FCHSD2: variants seen among roughly 807,000 people sequenced by gnomAD.
The protein encoded by FCHSD2 is F-BAR and double SH3 domains protein 2.
Under a neutral mutation model 108.1 loss-of-function variants are expected in FCHSD2, and 38 were observed. The observed-to-expected ratio is 0.35, with a 90% CI of 0.27 to 0.46. The LOEUF is 0.46. FCHSD2 is among the 20% of genes least tolerant of loss of function. The pLI, the probability that FCHSD2 is intolerant of heterozygous loss-of-function variation, is 1.00. For synonymous variants in FCHSD2, 279 were observed against 314.7 expected (o/e 0.89, Z 1.20); for missense variants, 751 against 897.8 (o/e 0.84, Z 2.09).
chr11:72,841,364 A>AG (rs1860931480), intron 18 of FCHSD2, 90 bp downstream of exon 18: 1 of 999,682 alleles, frequency 1.0e-6, no homozygotes, highest in African/African-American at 1.8e-5. Flanking sequence ...AAAAAAAAAA[A>AG]GCAAATGCAG....
intron 3 of FCHSD2, among the ~76,000 whole-genome samples, chr11:73,040,423 T>C (rs1858606918): frequency 6.6e-6 from 1 of 152,184 alleles, no homozygotes; most frequent in South Asian, 2.1e-4. Flanking sequence ...CAGATACACA[T>C]TTGTATGTGT....
chr11:73,022,303 A>G (rs758746939), intron 3 of FCHSD2, among the ~76,000 whole-genome samples: 10 of 152,186 alleles, frequency 6.6e-5, no homozygotes, highest in Non-Finnish European at 1.5e-4. Context: ...GCATACAGAT[A>G]GGAAAGGAAG....
intron 12 of FCHSD2, among the ~76,000 whole-genome samples, chr11:72,881,146 C>T (rs142568897): frequency 2.0e-5 from 3 of 152,092 alleles, no homozygotes; most frequent in Admixed American, 6.5e-5. Flanking sequence ...GACTAATATA[C>T]GGAATATACA....
At chr11:73,114,666 G>A (rs1014293252) in intron 2 of FCHSD2, among the ~76,000 whole-genome samples, 2 of 152,044 alleles carry the variant, frequency 1.3e-5, no homozygotes, top group African/African-American at 4.8e-5. Flanking sequence ...CACCAGGACT[G>A]GATCCTTCTC....
intron 13 of FCHSD2, among the ~76,000 whole-genome samples, chr11:72,862,080 T>G (rs924364948): frequency 6.6e-6 from 1 of 152,196 alleles, no homozygotes; most frequent in Non-Finnish European, 1.5e-5. Flanking sequence ...CAACATCCAT[T>G]TCTATTAGCA....
At chr11:73,094,467 T>C (rs1860030597) in intron 2 of FCHSD2, among the ~76,000 whole-genome samples, 1 of 152,194 alleles carries the variant, frequency 6.6e-6, no homozygotes, top group Admixed American at 6.5e-5. Flanking sequence ...TACAAAAATA[T>C]TTATACCATC....
At chr11:72,983,336 T>C (rs1293218172) in intron 8 of FCHSD2, among the ~76,000 whole-genome samples, 1 of 149,870 alleles carries the variant, frequency 6.7e-6, no homozygotes, top group Non-Finnish European at 1.5e-5. Flanking sequence ...CCAGGCATGG[T>C]AGCATGCACC....
At position 72,889,543 on chromosome 11, in the gene FCHSD2, C is replaced by T. The variant is rs546442634; in HGVS notation, c.1041+286G>A. 3.3e-5 allele frequency among the ~76,000 whole-genome samples: 5 copies of T among 152,128 alleles called. No homozygotes were observed. The South Asian group carries it at 1.0e-3, about 32-fold the overall frequency. On this transcript the variant is annotated intron_variant, in intron 11 of 19. Transcript: ENST00000409418. ...TGGGAAACATGGCAAGACCCTATCTCTACAAAAAATCTAAAAAAATTTAGC... is the reference window on the plus strand; with the variant it reads ...TGGGAAACATGGCAAGACCCTATCTTTACAAAAAATCTAAAAAAATTTAGC...
chr11:72,893,726 C>T (rs1360815951), intron 10 of FCHSD2, among the ~76,000 whole-genome samples: 4 of 150,500 alleles, frequency 2.7e-5, no homozygotes, highest in African/African-American at 9.8e-5. Flanking sequence ...CCAGCCTAGG[C>T]TACAGAGGGA....
intron 5 of FCHSD2, among the ~76,000 whole-genome samples, chr11:72,998,364 AC>A (rs1223930019): frequency 6.6e-6 from 1 of 151,992 alleles, no homozygotes; most frequent in Non-Finnish European, 1.5e-5. Context: ...ACATGGTGAA[AC>A]CCTGTCTCTA....
intron 8 of FCHSD2, among the ~76,000 whole-genome samples, chr11:72,960,368 C>T (rs1856799894): frequency 6.6e-6 from 1 of 152,170 alleles, no homozygotes; most frequent in Non-Finnish European, 1.5e-5. Flanking sequence ...TTGGAAGAAA[C>T]AAATATCCAA....
intron 3 of FCHSD2, among the ~76,000 whole-genome samples, chr11:73,082,709 A>G (rs925580343): frequency 1.3e-5 from 2 of 152,100 alleles, no homozygotes; most frequent in East Asian, 1.9e-4. Context: ...CCTTCTAACA[A>G]TCTCCCATAT....
chr11:72,950,245 C>A (rs1369363069), intron 8 of FCHSD2, among the ~76,000 whole-genome samples: 1 of 151,936 alleles, frequency 6.6e-6, no homozygotes, highest in African/African-American at 2.4e-5. Context: ...ATATTAAATC[C>A]TTTTCAGATA....
chr11:73,106,281 C>T (rs901962193), intron 2 of FCHSD2, among the ~76,000 whole-genome samples: 3 of 151,834 alleles, frequency 2.0e-5, no homozygotes, highest in African/African-American at 7.3e-5. Context: ...GTGACATAAA[C>T]CTATATCCCC....
intron 17 of FCHSD2, among the ~76,000 whole-genome samples, chr11:72,842,014 C>A (rs529343015): frequency 1.3e-5 from 2 of 152,314 alleles, no homozygotes; most frequent in African/African-American, 2.4e-5. Context: ...ACAATCACCA[C>A]GCAAACAAGA....
At chr11:73,081,975 G>T (rs1591538828) in intron 3 of FCHSD2, among the ~76,000 whole-genome samples, 1 of 152,120 alleles carries the variant, frequency 6.6e-6, no homozygotes, top group East Asian at 1.9e-4. Context: ...GGCTGAGGTG[G>T]GCGGATCACC....
At chr11:73,004,107 TC>T (rs1857686864) in intron 4 of FCHSD2, among the ~76,000 whole-genome samples, 1 of 26,620 alleles carries the variant, frequency 3.8e-5, no homozygotes, top group Non-Finnish European at 5.8e-5. Context: ...AGACTCCAAC[TC>T]CAAAAAAAAA....
intron 2 of FCHSD2, among the ~76,000 whole-genome samples, chr11:73,107,374 G>C (rs1193484812): frequency 1.3e-5 from 2 of 152,026 alleles, no homozygotes; most frequent in Non-Finnish European, 2.9e-5. Flanking sequence ...ATTTTTGTAG[G>C]TATACAGCAG....
chr11:73,044,184 A>C (rs879210318), intron 3 of FCHSD2, among the ~76,000 whole-genome samples: 1 of 152,216 alleles, frequency 6.6e-6, no homozygotes, highest in Admixed American at 6.5e-5. Context: ...GACCATTTTA[A>C]TAGATACATT....
Sources: allele counts gnomAD v4.1 joint callset (sites outside exome capture counted in the v4.1 genomes callset), GRCh38; gene constraint gnomAD v4.1.1; transcripts MANE v1.5; gene names NCBI Gene and HGNC (gene_info 2026-07-23, HGNC 2026-07-21).